Variants in LRRC63 observed in about 807,000 individuals in gnomAD.
LRRC63 encodes leucine-rich repeat-containing protein 63.
A neutral mutation model predicts 49.5 loss-of-function variants in LRRC63; 40 were observed. That is an observed-to-expected ratio of 0.81 (90% confidence interval 0.63 to 1.05). The LOEUF is 1.05. Among genes scored for constraint, LRRC63 ranks in the 50% least tolerant of loss-of-function variants. LRRC63 has a pLI of 0.00. For synonymous variants in LRRC63, 191 were observed against 221.1 expected (o/e 0.86, Z 1.21); for missense variants, 636 against 663.1 (o/e 0.96, Z 0.45).
chr13:46,255,643 C>CAAAAAAAAAA (rs1445296831), intron 7 of LRRC63, among the ~76,000 whole-genome samples: 1,641 of 95,618 alleles, frequency 0.017, 48 homozygotes, highest in African/African-American at 0.097. Context: ...GACCCTGCCT[C>CAAAAAAAAAA]AAATATATAT....
chr13:46,260,343 C>T (rs188425101), intron 7 of LRRC63, among the ~76,000 whole-genome samples: 4 of 152,306 alleles, frequency 2.6e-5, no homozygotes, highest in African/African-American at 9.6e-5. Flanking sequence ...GAGATGAACA[C>T]TGAATTGAAT....
At chr13:46,241,780 A>G in intron 5 of LRRC63, among the ~76,000 whole-genome samples, 1 of 152,164 alleles carries the variant, frequency 6.6e-6, no homozygotes, top group Non-Finnish European at 1.5e-5. Context: ...ACCATCTCAC[A>G]TCAGGCAGGA....
intron 2 of LRRC63, among the ~76,000 whole-genome samples, chr13:46,226,153 A>ATT (rs539374721): frequency 6.1e-5 from 9 of 148,012 alleles, no homozygotes; most frequent in African/African-American, 2.2e-4. Context: ...TTGGCTAATT[A>ATT]TTTTTTTTTT....
At chr13:46,270,038 A>G (rs2047734895) in intron 9 of LRRC63, 1 of 501,492 alleles carries the variant, frequency 2.0e-6, no homozygotes, top group Non-Finnish European at 3.6e-6. Flanking sequence ...TATCTATAAT[A>G]AAGTTTAATT....
At chr13:46,240,200 C>T (rs1409048685) in intron 5 of LRRC63, among the ~76,000 whole-genome samples, 2 of 150,078 alleles carry the variant, frequency 1.3e-5, no homozygotes, top group Admixed American at 6.7e-5. Context: ...GATCTTGGCT[C>T]ACTGCAAGCT....
chr13:46,271,055 A>G (rs1366791067), intron 9 of LRRC63, among the ~76,000 whole-genome samples: 2 of 152,302 alleles, frequency 1.3e-5, no homozygotes, highest in East Asian at 1.9e-4. Flanking sequence ...GGGTACCATA[A>G]ACGAATCAAA....
chr13:46,266,934 T>C (rs1279984702), exon 9 of LRRC63: 6 of 1,546,678 alleles, frequency 3.9e-6, no homozygotes, highest in Non-Finnish European at 8.7e-7. Context: ...ATAAATTTTA[T>C]GATAAGATCC....
chr13:46,237,334 A>G (rs985713151), intron 5 of LRRC63, among the ~76,000 whole-genome samples: 1 of 152,200 alleles, frequency 6.6e-6, no homozygotes, highest in African/African-American at 2.4e-5. Flanking sequence ...CCCATAGAAT[A>G]TATAACACAA....
chr13:46,225,888 C>G lies in LRRC63; in HGVS notation c.86-1624C>G, dbSNP rs2095352424. On this transcript the variant is annotated intron_variant, in intron 2 of 9. Transcript: ENST00000595396. ...ACTGTGTCCCTTCTCCAAGCTCAAC[C>G]TAGGCCTGCTAATTCTTACACAAGC... Among the ~76,000 whole-genome samples the G allele has an allele frequency of 2.0e-5, 3 of 152,178 alleles. No homozygotes were observed. The South Asian group carries it at 6.2e-4, about 32-fold the overall frequency.
At chr13:46,267,690 A>C (rs2047701761) in intron 9 of LRRC63, among the ~76,000 whole-genome samples, 1 of 152,226 alleles carries the variant, frequency 6.6e-6, no homozygotes, top group Admixed American at 6.5e-5. Flanking sequence ...CTACCAACGA[A>C]AAAGGAACCA....
intron 7 of LRRC63, among the ~76,000 whole-genome samples, chr13:46,259,496 C>T (rs2047580769): frequency 6.6e-6 from 1 of 152,142 alleles, no homozygotes; most frequent in Non-Finnish European, 1.5e-5. Flanking sequence ...ACTTGTTTGA[C>T]TCAATTTACT....
At chr13:46,225,113 G>T (rs546345641) in intron 2 of LRRC63, among the ~76,000 whole-genome samples, 38 of 152,326 alleles carry the variant, frequency 2.5e-4, no homozygotes, top group African/African-American at 9.1e-4. Context: ...TTGTGCTATG[G>T]GTCATGGCAG....
chr13:46,224,866 G>A (rs1393875165), intron 2 of LRRC63, among the ~76,000 whole-genome samples: 1 of 152,204 alleles, frequency 6.6e-6, no homozygotes, highest in Non-Finnish European at 1.5e-5. Context: ...TTTCCTTAGA[G>A]GATTAGGCTG....
chr13:46,227,830 A>G, exon 3 of LRRC63: 1 of 1,550,004 alleles, frequency 6.5e-7, no homozygotes, highest in Non-Finnish European at 8.7e-7. Flanking sequence ...AGAAAGTTTA[A>G]AACTATGAAA....
chr13:46,272,345 T>C (rs1266786902), intron 9 of LRRC63, among the ~76,000 whole-genome samples: 2 of 152,198 alleles, frequency 1.3e-5, no homozygotes, highest in Non-Finnish European at 2.9e-5. Flanking sequence ...GATAGGAATA[T>C]GAAATTCATG....
chr13:46,227,257 A>G (rs896101590), intron 2 of LRRC63, among the ~76,000 whole-genome samples: 1 of 152,134 alleles, frequency 6.6e-6, no homozygotes, highest in South Asian at 2.1e-4. Flanking sequence ...CTCTCTACCA[A>G]TTCTGTTCTT....
rs761953672 is a variant in LRRC63, at chr13:46,270,359, C to T, written c.1550+3387C>T. Reference sequence around the variant, plus strand: ...GTGGGGGGCACAGTTTCTAACAGAACTTGCACCTCTCTGTAAGATTTACTG... The same window carrying T: ...GTGGGGGGCACAGTTTCTAACAGAATTTGCACCTCTCTGTAAGATTTACTG... On this transcript the variant is annotated intron_variant, in intron 9 of 9. Coordinates refer to ENST00000595396, the Ensembl canonical transcript of LRRC63. The T allele has an allele frequency of 1.4e-5, 12 of 865,886 alleles. No homozygotes were observed. The Admixed American group carries it at 1.7e-4, about 12-fold the overall frequency. 53.6% of individuals were successfully genotyped at this position (865,886 alleles called of 1,614,324 possible).
intron 5 of LRRC63, among the ~76,000 whole-genome samples, chr13:46,236,148 A>G (rs1337211890): frequency 6.6e-6 from 1 of 152,084 alleles, no homozygotes; most frequent in Non-Finnish European, 1.5e-5. Flanking sequence ...ATAAAGAAAA[A>G]TGAACACAAC....
chr13:46,274,794 G>T (rs1451920957), intron 9 of LRRC63, among the ~76,000 whole-genome samples: 1 of 152,048 alleles, frequency 6.6e-6, no homozygotes, highest in African/African-American at 2.4e-5. Flanking sequence ...TATATAGTAT[G>T]TAATGATAAA....
Sources: allele counts gnomAD v4.1 joint callset (sites outside exome capture counted in the v4.1 genomes callset), GRCh38; gene constraint gnomAD v4.1.1; transcripts MANE v1.5; gene names NCBI Gene and HGNC (gene_info 2026-07-23, HGNC 2026-07-21).